CCDC3: variants seen among roughly 807,000 people sequenced by gnomAD.
The protein encoded by CCDC3 is coiled-coil domain containing 3.
CCDC3 carries 24 observed loss-of-function variants against 21.4 expected under a neutral mutation model. The ratio of observed to expected loss-of-function variants is 1.12; its 90% CI spans 0.81 to 1.58. The LOEUF (loss-of-function observed/expected upper bound fraction) is 1.58. Among genes scored for constraint, CCDC3 ranks in the 40% most tolerant of loss-of-function variants. CCDC3 has a pLI of 0.00. For synonymous variants in CCDC3, 186 were observed against 166.0 expected (o/e 1.12, Z -0.93); for missense variants, 425 against 360.9 (o/e 1.18, Z -1.44).
chr10:13,056,850 G>C (rs1376241721), intron 4 of CCDC3, among the ~76,000 whole-genome samples: 3 of 152,170 alleles, frequency 2.0e-5, no homozygotes, highest in African/African-American at 7.2e-5. Flanking sequence ...GAGGAGGAAG[G>C]GAGAGGAGTT....
intron 4 of CCDC3, among the ~76,000 whole-genome samples, chr10:13,050,862 T>C (rs1836597493): frequency 1.3e-5 from 2 of 150,598 alleles, no homozygotes; most frequent in South Asian, 2.1e-4. Flanking sequence ...TCACAGCTCA[T>C]TGCAGCCTCA....
At chr10:13,060,311 G>A (rs1836739806) in intron 4 of CCDC3, among the ~76,000 whole-genome samples, 1 of 152,114 alleles carries the variant, frequency 6.6e-6, no homozygotes, top group Non-Finnish European at 1.5e-5. Context: ...GAAGGGGATT[G>A]GCTCTCTTGG....
At chr10:13,049,173 T>C (rs1369343871) in intron 5 of CCDC3, among the ~76,000 whole-genome samples, 1 of 152,118 alleles carries the variant, frequency 6.6e-6, no homozygotes, top group Non-Finnish European at 1.5e-5. Flanking sequence ...ACATTAGAGA[T>C]TAGTCAATAT....
intron 3 of CCDC3, among the ~76,000 whole-genome samples, chr10:13,095,563 C>T (rs1832620219): frequency 6.6e-6 from 1 of 152,196 alleles, no homozygotes; most frequent in South Asian, 2.1e-4. Flanking sequence ...CTATGAAAAT[C>T]TAATGCAGCT....
At chr10:13,079,327 C>T (rs535799557) in intron 3 of CCDC3, among the ~76,000 whole-genome samples, 5 of 152,206 alleles carry the variant, frequency 3.3e-5, no homozygotes, top group South Asian at 2.1e-4. Context: ...TGAATAAACC[C>T]GGACTCTCAG....
chr10:12,902,298 C>T (rs1834106903), intron 2 of CCDC3, among the ~76,000 whole-genome samples: 2 of 152,132 alleles, frequency 1.3e-5, no homozygotes, highest in Admixed American at 1.3e-4. Flanking sequence ...CAACACTGCC[C>T]TCTTCTGGCC....
chr10:13,002,400 T>G (rs769567060), upstream of CCDC3, among the ~76,000 whole-genome samples: 2 of 151,694 alleles, frequency 1.3e-5, no homozygotes, highest in Non-Finnish European at 2.9e-5. Context: ...TTTTTGTTTT[T>G]TTCTTGAGAC....
At chr10:12,992,822 C>T (rs1835701203) in intron 2 of CCDC3, among the ~76,000 whole-genome samples, 1 of 152,150 alleles carries the variant, frequency 6.6e-6, no homozygotes. Flanking sequence ...TTTAAAACAC[C>T]ACTGACTGTC....
chr10:13,067,695 G>T (rs914578540), intron 4 of CCDC3, among the ~76,000 whole-genome samples: 1 of 152,072 alleles, frequency 6.6e-6, no homozygotes, highest in Non-Finnish European at 1.5e-5. Context: ...TTTGATATCT[G>T]CATGATCTGT....
chr10:12,940,118 A>G (rs188065227), intron 2 of CCDC3, among the ~76,000 whole-genome samples: 2 of 152,234 alleles, frequency 1.3e-5, no homozygotes, highest in African/African-American at 4.8e-5. Flanking sequence ...CCATTGGTGG[A>G]TGTTTTTACA....
intron 2 of CCDC3, among the ~76,000 whole-genome samples, chr10:12,915,493 G>C (rs552484130): frequency 1.5e-3 from 224 of 152,306 alleles, no homozygotes; most frequent in African/African-American, 5.2e-3. Flanking sequence ...TGTATCTTTA[G>C]AGTCAGTTAC....
chr10:12,998,305 T>A, intron 2 of CCDC3, 33 bp downstream of exon 2: 1 of 1,603,094 alleles, frequency 6.2e-7, no homozygotes, highest in Non-Finnish European at 8.5e-7. Context: ...ATACTATTGT[T>A]TTGCTGTGGC....
At chr10:12,987,437 G>C (rs1027838676) in intron 2 of CCDC3, among the ~76,000 whole-genome samples, 2 of 152,102 alleles carry the variant, frequency 1.3e-5, no homozygotes, top group African/African-American at 4.8e-5. Flanking sequence ...GTCCTTATTA[G>C]TATGTTACCT....
At chr10:13,089,484 C>T (rs1210419757) in intron 3 of CCDC3, among the ~76,000 whole-genome samples, 1 of 152,050 alleles carries the variant, frequency 6.6e-6, no homozygotes, top group African/African-American at 2.4e-5. Context: ...GGTACTCTGG[C>T]CCCGGACACC....
chr10:12,990,546 T>C (rs908935007), intron 2 of CCDC3, among the ~76,000 whole-genome samples: 1 of 152,214 alleles, frequency 6.6e-6, no homozygotes, highest in East Asian at 1.9e-4. Flanking sequence ...TAAAGTAAGC[T>C]TGTCACTTCA....
Position 13,062,133 on chromosome 10 carries a change from C to T in CCDC3, c.-270+11735G>A, listed in dbSNP as rs7922168. 9.3e-3 allele frequency among the ~76,000 whole-genome samples: 1,417 copies of T among 152,182 alleles called. 22 individuals are homozygous for T. The highest frequency in any genetic ancestry group is 0.031 in the African/African-American group (1,304 of 41,506). On this transcript the variant is annotated intron_variant, in intron 4 of 6. Coordinates refer to the CCDC3 transcript ENST00000378839. ...GTAGGGTTAAATAAAACCCATCTGACGAGAATTTATGGCTTGTAGGGCATG... is the reference window on the plus strand; with the variant it reads ...GTAGGGTTAAATAAAACCCATCTGATGAGAATTTATGGCTTGTAGGGCATG...
At chr10:12,949,163 C>T (rs902175497) in intron 2 of CCDC3, among the ~76,000 whole-genome samples, 1 of 152,136 alleles carries the variant, frequency 6.6e-6, no homozygotes, top group African/African-American at 2.4e-5. Flanking sequence ...TGCCAGTGTT[C>T]CCCTTGTTTC....
chr10:13,018,971 C>T lies in CCDC3; in HGVS notation c.-1-20459G>A, dbSNP rs11258133. 2.6e-4 allele frequency among the ~76,000 whole-genome samples: 40 copies of T among 151,344 alleles called. No homozygotes were observed. In the East Asian group the frequency reaches 6.5e-3, roughly 24 times the overall value. On this transcript the variant is annotated intron_variant, in intron 5 of 6. Transcript: ENST00000378839. ...AAAAAAGGCCGGGCGCAGTGGCTCA[C>T]GCCTGTAATCCCAGCACTTTGGGAG...
intron 2 of CCDC3, among the ~76,000 whole-genome samples, chr10:12,918,770 T>C (rs1490550086): frequency 1.3e-5 from 2 of 152,084 alleles, no homozygotes; most frequent in African/African-American, 4.8e-5. Context: ...AGACACCAAG[T>C]TGGCCGGGCA....
Sources: allele counts gnomAD v4.1 joint callset (sites outside exome capture counted in the v4.1 genomes callset), GRCh38; gene constraint gnomAD v4.1.1; transcripts MANE v1.5; gene names NCBI Gene and HGNC (gene_info 2026-07-23, HGNC 2026-07-21).